NDST4: variants seen among roughly 807,000 people sequenced by gnomAD.
The protein encoded by NDST4 is N-deacetylase and N-sulfotransferase 4, also known as N-heparan sulfate sulfotransferase 4.
In NDST4, 63 loss-of-function variants were observed where a neutral mutation model predicts 100.8. That is an observed-to-expected ratio of 0.62 (90% CI 0.51 to 0.77). The LOEUF (loss-of-function observed/expected upper bound fraction) is 0.77, where lower values mean the gene tolerates loss of function less well. Among genes scored for constraint, NDST4 ranks in the 30% least tolerant of loss-of-function variants. NDST4 has a pLI of 0.00. For synonymous variants in NDST4, 377 were observed against 361.8 expected, an observed-to-expected ratio of 1.04 and a Z score of -0.48; for missense variants, 943 against 1,018.4, an observed-to-expected ratio of 0.93 and a Z score of 1.01.
chr4:114,902,098 T>C (rs1235566976), intron 6 of NDST4, among the ~76,000 whole-genome samples: 2 of 152,076 alleles, frequency 1.3e-5, no homozygotes, highest in African/African-American at 4.8e-5. Context: ...ATCATTATTT[T>C]GGACCAACTG....
chr4:114,896,948 G>C (rs1023667461), intron 6 of NDST4, among the ~76,000 whole-genome samples: 4 of 152,058 alleles, frequency 2.6e-5, no homozygotes, highest in African/African-American at 9.7e-5. Context: ...TCGGTTCAGA[G>C]CATAATTGAG....
intron 7 of NDST4, among the ~76,000 whole-genome samples, chr4:114,864,198 T>C (rs995035753): frequency 2.6e-5 from 4 of 152,190 alleles, no homozygotes; most frequent in South Asian, 4.1e-4. Flanking sequence ...TCTAGATAAC[T>C]AGGACATTTC....
At chr4:115,003,737 G>A (rs532722072) in intron 2 of NDST4, among the ~76,000 whole-genome samples, 189 of 151,794 alleles carry the variant, frequency 1.2e-3, no homozygotes, top group African/African-American at 4.0e-3. Flanking sequence ...GCACGGTGGC[G>A]GGCACCTGTA....
chr4:114,983,490 T>C (rs1726826734), intron 2 of NDST4, among the ~76,000 whole-genome samples: 1 of 152,224 alleles, frequency 6.6e-6, no homozygotes, highest in Non-Finnish European at 1.5e-5. Context: ...ACAGGGCCTG[T>C]AGCCCCTTTT....
intron 2 of NDST4, among the ~76,000 whole-genome samples, chr4:115,004,641 C>T (rs1287685690): frequency 6.6e-6 from 1 of 152,178 alleles, no homozygotes; most frequent in African/African-American, 2.4e-5. Context: ...ACCACCCCTT[C>T]TCAATCAACC....
intron 7 of NDST4, among the ~76,000 whole-genome samples, chr4:114,858,773 T>C (rs1723855310): frequency 6.6e-6 from 1 of 152,128 alleles, no homozygotes; most frequent in Non-Finnish European, 1.5e-5. Context: ...AACTTTAAGG[T>C]TGGTGGATCT....
At chr4:114,906,734 A>C (rs949585523) in intron 6 of NDST4, among the ~76,000 whole-genome samples, 6 of 152,006 alleles carry the variant, frequency 3.9e-5, no homozygotes, top group African/African-American at 1.2e-4. Flanking sequence ...TATATCTCTT[A>C]AAACATATGA....
At chr4:115,092,090 A>G (rs1421278443) in intron 1 of NDST4, among the ~76,000 whole-genome samples, 1 of 152,202 alleles carries the variant, frequency 6.6e-6, no homozygotes, top group Non-Finnish European at 1.5e-5. Context: ...CAAATATCAG[A>G]AAAGTCCAGT....
chr4:114,977,200 C>A lies in NDST4; in HGVS notation c.1053G>T (p.Lys351Asn). ...NFTFNLGFSGKFYHTGTEEED... is the reference protein window; with the variant it reads ...NFTFNLGFSGNFYHTGTEEED... ...GCTCCTTCTTACCTGTGTGGTAAAACTTCCCTGAAAATCCAAGGTTGAAGG... is the reference window on the plus strand; with the variant it reads ...GCTCCTTCTTACCTGTGTGGTAAAAATTCCCTGAAAATCCAAGGTTGAAGG... Residue 351 changes from lysine to asparagine, a missense_variant, in exon 3 of 14, where the codon AAG becomes AAT. Physicochemically the swap from Lys to Asn is moderately conservative, Grantham distance 94 (BLOSUM62 0). Transcript: ENST00000264363. 1.9e-6 allele frequency: 3 copies of A among 1,607,182 alleles called. No homozygotes were observed. Among genetic ancestry groups the A allele is most frequent in the Non-Finnish European group, 2.6e-6 (3 of 1,175,566 alleles).
At chr4:114,839,037 G>A (rs1723368953) in intron 11 of NDST4, among the ~76,000 whole-genome samples, 1 of 152,106 alleles carries the variant, frequency 6.6e-6, no homozygotes, top group Admixed American at 6.5e-5. Flanking sequence ...TGGTAGTTGA[G>A]AGTTGTTGCC....
intron 2 of NDST4, among the ~76,000 whole-genome samples, chr4:115,040,713 C>A (rs971483997): frequency 4.6e-5 from 7 of 151,812 alleles, no homozygotes; most frequent in African/African-American, 1.7e-4. Flanking sequence ...AAAACCAGAC[C>A]TAGGCCAGAA....
At chr4:115,096,836 C>A (rs1348761467) in intron 1 of NDST4, among the ~76,000 whole-genome samples, 4 of 152,034 alleles carry the variant, frequency 2.6e-5, no homozygotes, top group Non-Finnish European at 5.9e-5. Flanking sequence ...TTTTCTAGGA[C>A]CTACTCCAAT....
chr4:115,072,996 T>A (rs747710382), intron 2 of NDST4, among the ~76,000 whole-genome samples: 9 of 151,858 alleles, frequency 5.9e-5, no homozygotes, highest in African/African-American at 2.2e-4. Flanking sequence ...AAATAACTCA[T>A]CTTAAAAATG....
At chr4:114,910,548 G>A (rs1341408108) in intron 6 of NDST4, among the ~76,000 whole-genome samples, 1 of 152,070 alleles carries the variant, frequency 6.6e-6, no homozygotes, top group Admixed American at 6.5e-5. Flanking sequence ...TTCTACATAT[G>A]CAAGATAAAT....
intron 11 of NDST4, among the ~76,000 whole-genome samples, chr4:114,837,381 C>T (rs1578334788): frequency 6.6e-6 from 1 of 151,910 alleles, no homozygotes. Flanking sequence ...CAATCCTAAG[C>T]AAAAAGAACA....
At chr4:115,046,916 AT>A (rs1224980080) in intron 2 of NDST4, among the ~76,000 whole-genome samples, 1 of 151,904 alleles carries the variant, frequency 6.6e-6, no homozygotes. Flanking sequence ...CTTTTCATAT[AT>A]TTAAATATAT....
intron 6 of NDST4, among the ~76,000 whole-genome samples, chr4:114,897,773 A>G (rs72681408): frequency 0.051 from 7,775 of 152,290 alleles, 255 homozygotes; most frequent in Middle Eastern, 0.11. Flanking sequence ...GGTAATTGTA[A>G]TAGGTTTTTA....
At chr4:114,933,456 T>TTTTTTTTTTTTTTA (rs1337610741) in intron 6 of NDST4, among the ~76,000 whole-genome samples, 19 of 133,334 alleles carry the variant, frequency 1.4e-4, no homozygotes, top group Non-Finnish European at 2.3e-4. Flanking sequence ...TTTTTTTTTG[T>TTTTTTTTTTTTTTA]GTGTAAAAAC....
chr4:115,102,734 G>GT (rs1729757435), intron 1 of NDST4, among the ~76,000 whole-genome samples: 1 of 75,216 alleles, frequency 1.3e-5, no homozygotes, highest in South Asian at 3.6e-4. Flanking sequence ...TTGACATGGA[G>GT]TTAGGCTCTT....
Sources: gnomAD v4.1 joint callset for allele counts (sites outside exome capture counted in the v4.1 genomes callset) on GRCh38, gnomAD v4.1.1 for gene constraint, MANE v1.5 for transcripts, NCBI Gene and HGNC (gene_info 2026-07-23, HGNC 2026-07-21) for gene names.